The following DHX40 variants were observed in gnomAD, a reference collection of about 807,000 sequenced individuals.
DHX40 encodes DEAH-box helicase 40.
Under a neutral mutation model 89.6 loss-of-function variants are expected in DHX40, and 28 were observed. That is an observed-to-expected ratio of 0.31 (90% CI 0.23 to 0.43). The LOEUF (loss-of-function observed/expected upper bound fraction) is 0.43. DHX40 is among the 20% of genes least tolerant of loss of function. The probability of loss-of-function intolerance (pLI) is 1.00; values close to 1 mark genes in which losing one functional copy is unlikely to be tolerated. For missense variants in DHX40, 457 were observed against 844.0 expected (o/e 0.54, Z 5.68); for synonymous variants, 226 against 283.6 (o/e 0.80, Z 2.04).
intron 6 of DHX40, among the ~76,000 whole-genome samples, chr17:59,574,469 TTA>T (rs1315909220): frequency 6.6e-6 from 1 of 151,556 alleles, no homozygotes; most frequent in Admixed American, 6.6e-5. Context: ...AGACATATGT[TTA>T]TGTCAAAGAC....
chr17:59,589,188 A>G (rs558684759), intron 12 of DHX40, among the ~76,000 whole-genome samples: 135 of 150,048 alleles, frequency 9.0e-4, no homozygotes, highest in African/African-American at 3.3e-3. Context: ...GTTGAAATCC[A>G]CAAAATAACT....
chr17:59,586,296 T>C (rs2048996071), intron 11 of DHX40, 63 bp downstream of exon 11: 1 of 1,218,208 alleles, frequency 8.2e-7, no homozygotes, highest in South Asian at 1.4e-5. Context: ...AACAGGGCTC[T>C]AAATACCTTT....
intron 12 of DHX40, among the ~76,000 whole-genome samples, chr17:59,594,338 C>T (rs1223425726): frequency 6.6e-6 from 1 of 151,960 alleles, no homozygotes; most frequent in Admixed American, 6.6e-5. Flanking sequence ...AAGTTGGGCA[C>T]CTCGGCAGGG....
chr17:59,566,523 G>T (rs1371722816), intron 1 of DHX40, 104 bp from the exon 2 acceptor site: 1 of 1,143,812 alleles, frequency 8.7e-7, no homozygotes, highest in Non-Finnish European at 1.2e-6. Flanking sequence ...GGATGATCCC[G>T]TCCAGCCCTA....
intron 7 of DHX40, 140 bp from the exon 8 acceptor site, chr17:59,577,126 C>T (rs1355224075): frequency 1.4e-6 from 1 of 706,086 alleles, no homozygotes; most frequent in South Asian, 1.5e-5. Flanking sequence ...GCCTCAGCCT[C>T]CCAAAGTGCT....
chr17:59,576,425 G>A (rs2048882838), intron 7 of DHX40, among the ~76,000 whole-genome samples: 1 of 151,718 alleles, frequency 6.6e-6, no homozygotes, highest in Non-Finnish European at 1.5e-5. Context: ...ATTTGGAGTT[G>A]GAATTAGCAT....
At position 59,566,831 on chromosome 17, in the gene DHX40, A is replaced by T. The variant is rs189039915; in HGVS notation, c.280+37A>T. 1.1e-4 allele frequency: 176 copies of T among 1,530,972 alleles called. No individual in the cohort carries two copies. The African/African-American group carries it at 1.8e-3, about 16-fold the overall frequency. 94.8% of individuals were successfully genotyped at this position (1,530,972 alleles called of 1,614,324 possible). On this transcript the variant is annotated intron_variant, in intron 2 of 17. Transcript: ENST00000251241. ...CTGTTGTAATAATTGGAAATATTTT[A>T]AAAATATCCTCTTTTTAAAGGCCAG... is the stretch of plus-strand genomic sequence containing the variant.
chr17:59,572,671 G>A (rs146945529), intron 3 of DHX40, among the ~76,000 whole-genome samples: 1 of 152,192 alleles, frequency 6.6e-6, no homozygotes, highest in Admixed American at 6.5e-5. Flanking sequence ...GAGCTACCGT[G>A]TCTGACCTAA....
chr17:59,577,014 G>C (rs928815780), intron 7 of DHX40: 172 of 430,832 alleles, frequency 4.0e-4, no homozygotes, highest in African/African-American at 1.9e-3. Flanking sequence ...GGACTACAGG[G>C]GCGCGCCCCC....
At chr17:59,602,938 A>T (rs112792956) in intron 15 of DHX40, among the ~76,000 whole-genome samples, 34 of 152,290 alleles carry the variant, frequency 2.2e-4, no homozygotes, top group African/African-American at 8.2e-4. Flanking sequence ...TAGGTTGAGC[A>T]TAGCATCCCT....
chr17:59,586,849 A>G (rs991271727), intron 11 of DHX40, among the ~76,000 whole-genome samples: 2 of 151,992 alleles, frequency 1.3e-5, no homozygotes, highest in Non-Finnish European at 2.9e-5. Context: ...GTTAGGTTTG[A>G]TATTAATAAT....
In DHX40 at chr17:59,605,130, G is replaced by A. The variant is rs1404429305; in HGVS notation, c.1917G>A (p.Thr639=). The A allele has an allele frequency of 5.0e-6, 8 of 1,614,024 alleles. No homozygotes were observed. The highest frequency in any genetic ancestry group is 5.9e-6 in the Non-Finnish European group (7 of 1,179,974). The change falls in exon 16 of 18, where the codon ACG becomes ACA. Residue 639 remains threonine (T), a synonymous_variant. Coordinates refer to ENST00000251241, the MANE Select transcript of DHX40 (RefSeq NM_024612.5). ...KNVARRSVGR[T]FCTMDGRGSP... ...CTGTTTATAGATCTGTTGGGAGAAC[G>A]TTTTGCACAATGGATGGTCGTGGAA... is the stretch of plus-strand genomic sequence containing the variant.
In DHX40 at chr17:59,570,503, C is replaced by G; in HGVS notation, c.281-15C>G. On this transcript the variant is annotated splice_polypyrimidine_tract_variant and intron_variant, in intron 2 of 17. Coordinates refer to ENST00000251241, the MANE Select transcript of DHX40 (RefSeq NM_024612.5). Reference sequence around the variant, plus strand: ...TGCTAACATTGTTGTGTTTCTTTATCTCTGGTTTTGATAGGGTTTTCACAA... The same window carrying G: ...TGCTAACATTGTTGTGTTTCTTTATGTCTGGTTTTGATAGGGTTTTCACAA... The G allele has an allele frequency of 6.3e-7, 1 of 1,579,792 alleles. No individual in the cohort carries two copies. Among genetic ancestry groups the G allele is most frequent in the East Asian group, 2.4e-5 (1 of 41,712 alleles).
In DHX40 at chr17:59,605,094, ATT is replaced by A; in HGVS notation, c.1902-18_1902-17del. On this transcript the variant is annotated intron_variant, in intron 15 of 17. Transcript: ENST00000251241. ...TTGCTTTACTGTTGTAGTCTTTATC[ATT>A]TTGTTTTTCTGTTTATAGATCTGTT... 1 of 1,610,738 alleles carries A rather than the reference ATT, an allele frequency of 6.2e-7. No individual in the cohort carries two copies. Among genetic ancestry groups the A allele is most frequent in the Non-Finnish European group, 8.5e-7 (1 of 1,177,100 alleles).
intron 2 of DHX40, among the ~76,000 whole-genome samples, chr17:59,568,116 T>C (rs1375111526): frequency 6.6e-6 from 1 of 151,922 alleles, no homozygotes; most frequent in East Asian, 1.9e-4. Flanking sequence ...TAATCCCAGC[T>C]ACTTGGGAGG....
At position 59,596,342 on chromosome 17, in the gene DHX40, G is replaced by A. The variant is rs2697400; in HGVS notation, c.1583-2395G>A. Reference sequence around the variant, plus strand: ...AGCACTCTGGGAGGCCAGGGCGGGCGGATCACCTGAGGTCAGGAGTTCAAG... The same window carrying A: ...AGCACTCTGGGAGGCCAGGGCGGGCAGATCACCTGAGGTCAGGAGTTCAAG... On this transcript the variant is annotated intron_variant, in intron 12 of 17. Transcript: ENST00000251241. Among the ~76,000 whole-genome samples the A allele has an allele frequency of 2.0e-3, 304 of 152,252 alleles. 1 individual carries two copies. The highest frequency in any genetic ancestry group is 6.6e-3 in the African/African-American group (275 of 41,484).
chr17:59,565,829 G>A lies in DHX40; in HGVS notation c.112+46G>A, dbSNP rs773290462. The A allele has an allele frequency of 9.3e-6, 14 of 1,507,170 alleles. No individual in the cohort carries two copies. In the African/African-American group the frequency reaches 9.7e-5, roughly 10 times the overall value. 93.4% of individuals were successfully genotyped at this position (1,507,170 alleles called of 1,614,324 possible). ...CGGAAGCCAGCGGGAGTTACGGCGT[G>A]GGGGTTTTGGTGGGGGGATGAAAGT... On this transcript the variant is annotated intron_variant, in intron 1 of 17. Coordinates refer to ENST00000251241, the MANE Select transcript of DHX40 (RefSeq NM_024612.5).
intron 12 of DHX40, among the ~76,000 whole-genome samples, chr17:59,590,909 C>T (rs937689402): frequency 2.0e-5 from 3 of 151,218 alleles, no homozygotes; most frequent in Admixed American, 6.6e-5. Flanking sequence ...TACCAGTGGG[C>T]ACAGTGGTAT....
At chr17:59,598,166 C>A (rs569631502) in intron 12 of DHX40, among the ~76,000 whole-genome samples, 38 of 151,826 alleles carry the variant, frequency 2.5e-4, no homozygotes, top group Non-Finnish European at 4.9e-4. Context: ...CACACCTGGC[C>A]CTATATTGCT....
Sources: gnomAD v4.1 joint callset for allele counts (sites outside exome capture counted in the v4.1 genomes callset) on GRCh38, gnomAD v4.1.1 for gene constraint, MANE v1.5 for transcripts, NCBI Gene and HGNC (gene_info 2026-07-23, HGNC 2026-07-21) for gene names.